Variants in RMND5B observed in about 807,000 individuals in gnomAD.
RMND5B encodes the protein required for meiotic nuclear division 5 homolog B, also known as E3 ubiquitin-protein transferase RMND5B.
In RMND5B, 42 loss-of-function variants were observed where a neutral mutation model predicts 50.4. That is an observed-to-expected ratio of 0.83 (90% CI 0.65 to 1.08). RMND5B has a LOEUF of 1.08. Ranked by LOEUF, RMND5B falls within the 50% of genes least tolerant of loss-of-function variation. The pLI, the probability that RMND5B is intolerant of heterozygous loss-of-function variation, is 0.00. For missense variants in RMND5B, 463 were observed against 508.5 expected (o/e 0.91, Z 0.86); for synonymous variants, 220 against 210.0 (o/e 1.05, Z -0.41).
Position 178,148,069 on chromosome 5 carries a change from C to T in RMND5B, c.*37C>T, listed in dbSNP as rs1385977655. 6.3e-6 allele frequency: 10 copies of T among 1,596,658 alleles called. No homozygotes were observed. Among genetic ancestry groups the T allele is most frequent in the Non-Finnish European group, 8.6e-6 (10 of 1,164,258 alleles). ...AAGGAATTTTGTTGAAAGGGGTTTT[C>T]ACCTGTGAGCCTTGGTCTGTCTCGG... On this transcript the variant is annotated 3_prime_UTR_variant, in exon 11 of 11. Coordinates refer to ENST00000313386, the MANE Select transcript of RMND5B (RefSeq NM_022762.5).
Position 178,142,613 on chromosome 5 carries a change from T to G in RMND5B, c.170T>G (p.Leu57Arg), listed in dbSNP as rs1194772076. ...CAGGGGACCCCTCTCTCAGCCACCC[T>G]CTCTCTGGTGATGTCACAGTGCTGC... ...ALQGTPLSATLSLVMSQCCRK... is the reference protein window; with the variant it reads ...ALQGTPLSATRSLVMSQCCRK... Residue 57 changes from leucine to arginine, a missense_variant, in exon 4 of 11, where the codon CTC (leucine) becomes CGC (arginine). By Grantham distance (102) the Leu-to-Arg change is moderately radical (BLOSUM62 -2). Transcript: ENST00000313386. 6.2e-7 allele frequency: 1 copy of G among 1,613,738 alleles called. No homozygotes were observed. Among genetic ancestry groups the G allele is most frequent in the Non-Finnish European group, 8.5e-7 (1 of 1,179,826 alleles).
In RMND5B at chr5:178,143,728, G is replaced by T; in HGVS notation, c.527+1G>T. On this transcript the variant is annotated splice_donor_variant, in intron 6 of 10. Coordinates refer to ENST00000313386, the MANE Select transcript of RMND5B (RefSeq NM_022762.5). LOFTEE classifies it high-confidence loss of function. Reference sequence around the variant, plus strand: ...AACAAGACCTGGGTCCTGCGTTGGAGTAAGGAGGCCCTTGGGTGGGCCAGC... The same window carrying T: ...AACAAGACCTGGGTCCTGCGTTGGATTAAGGAGGCCCTTGGGTGGGCCAGC... 6.2e-7 allele frequency: 1 copy of T among 1,610,808 alleles called. No homozygotes were observed. The highest frequency in any genetic ancestry group is 1.3e-5 in the African/African-American group (1 of 74,950).
intron 7 of RMND5B, 81 bp downstream of exon 7, chr5:178,144,189 C>G (rs1015086924): frequency 6.7e-7 from 1 of 1,487,126 alleles, no homozygotes; most frequent in African/African-American, 1.4e-5. Flanking sequence ...GCTGCCAGTC[C>G]CTGCACCCAT....
chr5:178,147,302 T>G (rs1314446104), intron 8 of RMND5B: 1 of 571,922 alleles, frequency 1.7e-6, no homozygotes, highest in Non-Finnish European at 3.1e-6. Flanking sequence ...TAGGAAGTCT[T>G]CCCTGTAGGT....
At chr5:178,140,241 T>G (rs1489466140) in intron 3 of RMND5B, among the ~76,000 whole-genome samples, 1 of 152,188 alleles carries the variant, frequency 6.6e-6, no homozygotes, top group Non-Finnish European at 1.5e-5. Flanking sequence ...TGGCACGATC[T>G]TGGCTCACTG....
At chr5:178,134,081 A>G (rs115095926) in intron 2 of RMND5B, among the ~76,000 whole-genome samples, 2,923 of 152,274 alleles carry the variant, frequency 0.019, 95 homozygotes, top group African/African-American at 0.067. Flanking sequence ...AGGGGGAGAA[A>G]GGACAAGACT....
chr5:178,144,143 G>T, intron 7 of RMND5B, 35 bp downstream of exon 7: 3 of 1,601,560 alleles, frequency 1.9e-6, no homozygotes, highest in Non-Finnish European at 2.6e-6. Context: ...GTGCTGCCTG[G>T]CCTGACACAT....
At chr5:178,142,155 A>G (rs2113416617) in intron 3 of RMND5B, 1 of 162,272 alleles carries the variant, frequency 6.2e-6, no homozygotes, top group African/African-American at 2.4e-5. Flanking sequence ...TTCACTTACA[A>G]GTTTTTGTGT....
At chr5:178,145,552 A>G (rs1581128373) in intron 7 of RMND5B, among the ~76,000 whole-genome samples, 1 of 151,264 alleles carries the variant, frequency 6.6e-6, no homozygotes, top group Non-Finnish European at 1.5e-5. Context: ...GCCTGACACC[A>G]CAACCACGTC....
chr5:178,142,984 C>T lies in RMND5B; in HGVS notation c.418C>T (p.Leu140=). 1 of 1,613,128 alleles carries T rather than the reference C, an allele frequency of 6.2e-7. No individual in the cohort carries two copies. Among genetic ancestry groups the T allele is most frequent in the Non-Finnish European group, 8.5e-7 (1 of 1,179,432 alleles). The change falls in exon 5 of 11, where the codon CTG becomes TTG. Residue 140 remains leucine (L), a synonymous_variant. Coordinates refer to ENST00000313386, the MANE Select transcript of RMND5B (RefSeq NM_022762.5). ...QQGMLSVAEE[L]CQESTLNVDL... is the part of the protein sequence containing the mutation. The stretch of plus-strand genomic sequence containing the variant: ...GGGCATGCTCAGCGTGGCCGAGGAG[C>T]TGTGCCAGGTACAGTCGGGCTGGGC...
chr5:178,131,577 A>AC (rs1156373418), intron 2 of RMND5B, among the ~76,000 whole-genome samples: 1 of 142,842 alleles, frequency 7.0e-6, no homozygotes, highest in Non-Finnish European at 1.6e-5. Flanking sequence ...GTATAGTAAA[A>AC]AAAAAAAAAA....
chr5:178,134,976 CA>C (rs34541511), intron 2 of RMND5B, among the ~76,000 whole-genome samples: 6,816 of 131,870 alleles, frequency 0.052, 339 homozygotes, highest in African/African-American at 0.14. Flanking sequence ...AGACCGTCTA[CA>C]AAAAAAAAAA....
Position 178,142,564 on chromosome 5 carries a change from T to C in RMND5B, c.140-19T>C, listed in dbSNP as rs1461591897. ...CCCCAGTCTGCCTCCTCTGTGTCCTTATTCCACTTTCTCTGCAGCCCTCCA... is the reference window on the plus strand; with the variant it reads ...CCCCAGTCTGCCTCCTCTGTGTCCTCATTCCACTTTCTCTGCAGCCCTCCA... On this transcript the variant is annotated intron_variant, in intron 3 of 10. Coordinates refer to ENST00000313386, the MANE Select transcript of RMND5B (RefSeq NM_022762.5). The C allele has an allele frequency of 6.3e-7, 1 of 1,599,024 alleles. No individual in the cohort carries two copies. The highest frequency in any genetic ancestry group is 2.2e-5 in the East Asian group (1 of 44,850).
intron 7 of RMND5B, 125 bp from the exon 8 acceptor site, chr5:178,145,989 C>G (rs932003786): frequency 1.1e-6 from 1 of 937,158 alleles, no homozygotes; most frequent in African/African-American, 1.7e-5. Context: ...CCTGCTCAGT[C>G]TCCTCAGGGG....
rs781489195 is a variant in RMND5B at position 178,146,235 on chromosome 5, C to T, written c.816C>T (p.Ala272=). 1.2e-6 allele frequency: 2 copies of T among 1,614,194 alleles called. No homozygotes were observed. The highest frequency in any genetic ancestry group is 2.2e-5 in the East Asian group (1 of 44,878). ...AEICETFTRD[A]CSLLGLSVES... The stretch of plus-strand genomic sequence containing the variant: ...TCTGTGAGACCTTTACCCGGGACGC[C>T]TGTTCCCTGCTGGGGCTTTCTGTGG... The change falls in exon 8 of 11, where the codon GCC becomes GCT. Residue 272 remains alanine (A), a synonymous_variant. Transcript: ENST00000313386.
At position 178,143,402 on chromosome 5, in the gene RMND5B, G is replaced by A. The variant is rs191251586; in HGVS notation, c.427-225G>A. ...ACTGTCTCCACTGCTACGGTTGTGG[G>A]GTGGGGTCTGCAGTCTGCACTCGAG... On this transcript the variant is annotated intron_variant, in intron 5 of 10. Transcript: ENST00000313386. Among the ~76,000 whole-genome samples, 613 of 152,320 alleles carry A rather than the reference G, an allele frequency of 4.0e-3. 3 individuals carry two copies. The highest frequency in any genetic ancestry group is 0.011 in the African/African-American group (456 of 41,548).
intron 7 of RMND5B, among the ~76,000 whole-genome samples, chr5:178,145,590 A>G (rs1755957060): frequency 6.6e-6 from 1 of 151,780 alleles, no homozygotes; most frequent in African/African-American, 2.4e-5. Flanking sequence ...TTTTTATTAG[A>G]GACGGGGTTT....
chr5:178,145,382 A>G (rs1252873215), intron 7 of RMND5B, among the ~76,000 whole-genome samples: 2 of 150,930 alleles, frequency 1.3e-5, no homozygotes, highest in African/African-American at 4.9e-5. Context: ...GCTACCCGGG[A>G]GGCTGAGGTA....
chr5:178,146,864 G>A (rs1410795707), intron 8 of RMND5B: 2 of 156,632 alleles, frequency 1.3e-5, no homozygotes, highest in East Asian at 3.8e-4. Flanking sequence ...ACAGTGGACA[G>A]CTGTCACTGT....
Sources: allele counts gnomAD v4.1 joint callset (sites outside exome capture counted in the v4.1 genomes callset), GRCh38; gene constraint gnomAD v4.1.1; transcripts MANE v1.5; gene names NCBI Gene and HGNC (gene_info 2026-07-23, HGNC 2026-07-21).